Variants in TCHH observed in about 807,000 individuals in gnomAD.
The protein encoded by TCHH is trichohyalin.
A neutral mutation model predicts 6.3 loss-of-function variants in TCHH; 6 were observed. The observed-to-expected ratio is 0.95, with a 90% confidence interval of 0.52 to 1.88. The LOEUF (loss-of-function observed/expected upper bound fraction) is 1.88. Among genes scored for constraint, TCHH ranks in the 40% most tolerant of loss-of-function variants. The pLI, the probability that TCHH is intolerant of heterozygous loss-of-function variation, is 0.01. For synonymous variants in TCHH, 1,087 were observed against 963.6 expected (o/e 1.13, Z -2.37); for missense variants, 2,920 against 2,449.1 (o/e 1.19, Z -4.06).
In TCHH at chr1:152,111,766, C is replaced by T. The variant is rs1445296165; in HGVS notation, c.1451G>A (p.Arg484Lys). 1.9e-6 allele frequency: 3 copies of T among 1,561,298 alleles called. No homozygotes were observed. The highest frequency in any genetic ancestry group is 2.9e-5 in the African/African-American group (2 of 70,018). ...CTCGAGCTTCAGCCAACGTTCGCGCCTCTCCTCCTCCTGGTCGCGCTTCAG... is the reference window on the plus strand; with the variant it reads ...CTCGAGCTTCAGCCAACGTTCGCGCTTCTCCTCCTCCTGGTCGCGCTTCAG... The part of the protein sequence containing the change: ...QQLKRDQEEE[R>K]RERWLKLEEE... Residue 484 changes from arginine (R) to lysine (K), a missense_variant, in exon 3 of 3, where the codon AGG becomes AAG. By Grantham distance (26) the Arg-to-Lys change is conservative. Transcript: ENST00000614923.
In TCHH at chr1:152,111,676, C is replaced by A. The variant is rs1271767218; in HGVS notation, c.1541G>T (p.Arg514Met). The change falls in exon 3 of 3, where the codon AGG (arginine) becomes ATG (methionine). Residue 514 changes from arginine (R) to methionine (M), a missense_variant. Arg to Met is a moderately conservative substitution (Grantham distance 91, BLOSUM62 -1). Coordinates refer to ENST00000614923, the MANE Select transcript of TCHH (RefSeq NM_007113.4). Reference protein sequence around the residue: ...EQQLRREQEERREQRLKRQEE... With the variant: ...EQQLRREQEEMREQRLKRQEE... ...CTGGCGCTTCAGCCGCTGCTCGCGCCTCTCCTCTTGCTCCCGCCTTAGTTG... is the reference window on the plus strand; with the variant it reads ...CTGGCGCTTCAGCCGCTGCTCGCGCATCTCCTCTTGCTCCCGCCTTAGTTG... 3 of 1,570,224 alleles carry A rather than the reference C, an allele frequency of 1.9e-6. No homozygotes were observed. Among genetic ancestry groups the A allele is most frequent in the Non-Finnish European group, 2.6e-6 (3 of 1,149,272 alleles).
At position 152,113,705 on chromosome 1, in the gene TCHH, G is replaced by A. The variant is rs2515662; in HGVS notation, c.138+238C>T. Among the ~76,000 whole-genome samples, 1,063 of 152,278 alleles carry A rather than the reference G, an allele frequency of 7.0e-3. 8 individuals are homozygous for A. The highest frequency in any genetic ancestry group is 0.011 in the Non-Finnish European group (731 of 68,014). On this transcript the variant is annotated intron_variant, in intron 2 of 2. Coordinates refer to ENST00000614923, the MANE Select transcript of TCHH (RefSeq NM_007113.4). ...TCTAGTGTGATTTGACATCTTTTGT[G>A]GTAATGTCCCATGAAGAGCTCATTC... is the stretch of plus-strand genomic sequence containing the variant.
Position 152,107,633 on chromosome 1 carries a change from G to A in TCHH, c.5584C>T (p.Gln1862Ter). 6.2e-7 allele frequency: 1 copy of A among 1,614,096 alleles called. No individual in the cohort carries two copies. The highest frequency in any genetic ancestry group is 8.5e-7 in the Non-Finnish European group (1 of 1,180,044). ...TGCTCCTCTTCTTGCCATAGTTCTT[G>A]TTCCTCACGACGACTCTTCTCCTGC... Reference protein sequence around the residue: ...ATQEKSRREEQELWQEEEQKR... With the variant: ...ATQEKSRREE Residue 1862 changes from glutamine to a stop codon, truncating the protein, a stop_gained, in exon 3 of 3, where the codon CAA (glutamine) becomes TAA (stop). Transcript: ENST00000614923. LOFTEE classifies it low-confidence loss of function (END_TRUNC).
rs1658194581 is a variant in TCHH at position 152,108,517 on chromosome 1, CTCTCCTGGCGCAGCTGTTCCTCCT to C, written c.4676_4699del (p.Glu1559_Arg1567delinsGly). On this transcript the variant is annotated inframe_deletion, in exon 3 of 3. Transcript: ENST00000614923. ...TTGGCGGCTCAGCTGCTGTTCCTCC[CTCTCCTGGCGCAGCTGTTCCTCCT>C]CGCGGAATTTTCTGTCACGGTCCTG... 6.3e-7 allele frequency: 1 copy of C among 1,599,448 alleles called. No individual in the cohort carries two copies. Among genetic ancestry groups the C allele is most frequent in the Non-Finnish European group, 8.5e-7 (1 of 1,175,552 alleles).
chr1:152,110,460 C>T lies in TCHH; in HGVS notation c.2757G>A (p.Glu919=), dbSNP rs769440189. ...EEEELQREER[E]KRRRQEQERQ... is the part of the protein sequence containing the mutation. ...TCTCCTGTTCTTGGCGCCTTCTCTTCTCGCGCTCCTCTCTCTGTAGCTCCT... is the reference window on the plus strand; with the variant it reads ...TCTCCTGTTCTTGGCGCCTTCTCTTTTCGCGCTCCTCTCTCTGTAGCTCCT... The change falls in exon 3 of 3, where the codon GAG becomes GAA. Residue 919 remains glutamate, a synonymous_variant. Coordinates refer to ENST00000614923, the MANE Select transcript of TCHH (RefSeq NM_007113.4). The T allele has an allele frequency of 6.2e-7, 1 of 1,614,224 alleles. No homozygotes were observed. Among genetic ancestry groups the T allele is most frequent in the South Asian group, 1.1e-5 (1 of 91,084 alleles).
At position 152,107,834 on chromosome 1, in the gene TCHH, T is replaced by C; in HGVS notation, c.5383A>G (p.Arg1795Gly). The change falls in exon 3 of 3, where the codon AGA (arginine) becomes GGA (glycine). Residue 1795 changes from arginine (R) to glycine (G), a missense_variant. Transcript: ENST00000614923. The part of the protein sequence containing the change: ...EQQLRSQESD[R>G]KFREEEQLRQ... ...AGCTGTTCCTCCTCGCGGAATTTTC[T>C]GTCAGACTCTTGGCTGCGCAGCTGC... 6.2e-7 allele frequency: 1 copy of C among 1,613,842 alleles called. No homozygotes were observed. The highest frequency in any genetic ancestry group is 8.5e-7 in the Non-Finnish European group (1 of 1,179,896).
rs1221995398 is a variant in TCHH, at chr1:152,107,370, T to C, written c.*15A>G. The C allele has an allele frequency of 5.9e-6, 9 of 1,529,832 alleles. No homozygotes were observed. Among genetic ancestry groups the C allele is most frequent in the Non-Finnish European group, 7.9e-6 (9 of 1,139,592 alleles). The allele number at this position is 1,529,832 out of a possible 1,614,324, so 94.8% of individuals were successfully genotyped here. ...CTCGAAGCTTTGGCAGGTGTCAAGA[T>C]ATTGGCAACATCACTTAAGGGCGGT... On this transcript the variant is annotated 3_prime_UTR_variant, in exon 3 of 3. Transcript: ENST00000614923.
At position 152,110,457 on chromosome 1, in the gene TCHH, C is replaced by T; in HGVS notation, c.2760G>A (p.Lys920=). 1 of 1,614,218 alleles carries T rather than the reference C, an allele frequency of 6.2e-7. No individual in the cohort carries two copies. Among genetic ancestry groups the T allele is most frequent in the Non-Finnish European group, 8.5e-7 (1 of 1,180,040 alleles). Residue 920 remains lysine, a synonymous_variant, in exon 3 of 3, where the codon AAG becomes AAA. Coordinates refer to ENST00000614923, the MANE Select transcript of TCHH (RefSeq NM_007113.4). Reference sequence around the variant, plus strand: ...GTCTCTCCTGTTCTTGGCGCCTTCTCTTCTCGCGCTCCTCTCTCTGTAGCT... The same window carrying T: ...GTCTCTCCTGTTCTTGGCGCCTTCTTTTCTCGCGCTCCTCTCTCTGTAGCT... ...EEELQREERE[K]RRRQEQERQY...
rs1412612684 is a variant in TCHH, at chr1:152,111,626, G to A, written c.1591C>T (p.Arg531Trp). ...CTTAGTTGTTGCTCGCTCCTCAACC[G>A]CTGCTGGAGCCTCTCTTCCTCCTCC... Reference protein sequence around the residue: ...RQEEEERLQQRLRSEQQLRRE... With the variant: ...RQEEEERLQQWLRSEQQLRRE... Residue 531 changes from arginine (R) to tryptophan (W), a missense_variant, in exon 3 of 3, where the codon CGG becomes TGG. Transcript: ENST00000614923. The A allele has an allele frequency of 6.3e-7, 1 of 1,597,398 alleles. No individual in the cohort carries two copies. The highest frequency in any genetic ancestry group is 1.4e-5 in the African/African-American group (1 of 69,816).
Position 152,109,469 on chromosome 1 carries a change from A to G in TCHH, c.3748T>C (p.Phe1250Leu). 6.2e-7 allele frequency: 1 copy of G among 1,614,240 alleles called. No homozygotes were observed. The highest frequency in any genetic ancestry group is 2.2e-5 in the East Asian group (1 of 44,886). Residue 1250 changes from phenylalanine to leucine, a missense_variant, in exon 3 of 3, where the codon TTC becomes CTC. Coordinates refer to ENST00000614923, the MANE Select transcript of TCHH (RefSeq NM_007113.4). The stretch of plus-strand genomic sequence containing the variant: ...AGCTGGGAATCTTCCAACTGCCGGA[A>G]CTGTTCATTCTCTCTGCCTTTGCAG... ...VYCKGRENEQFRQLEDSQLRD... is the reference protein window; with the variant it reads ...VYCKGRENEQLRQLEDSQLRD...
Position 152,111,429 on chromosome 1 carries a change from C to G in TCHH, c.1788G>C (p.Glu596Asp), listed in dbSNP as rs757015941. 1 of 1,610,364 alleles carries G rather than the reference C, an allele frequency of 6.2e-7. No homozygotes were observed. ...RQQRLKREQE[E>D]RLEQRLKREE... ...CGCGCTTCAGTCGCTGCTCGAGCCT[C>G]TCTTCCTGCTCGCGCTTCAGCCGCT... Residue 596 changes from glutamate (E) to aspartate (D), a missense_variant, in exon 3 of 3, where the codon GAG becomes GAC. Glu to Asp is a conservative substitution (Grantham distance 45). Coordinates refer to ENST00000614923, the MANE Select transcript of TCHH (RefSeq NM_007113.4).
At position 152,109,920 on chromosome 1, in the gene TCHH, C is replaced by G. The variant is rs781083126; in HGVS notation, c.3297G>C (p.Glu1099Asp). The G allele has an allele frequency of 6.3e-7, 1 of 1,591,698 alleles. No homozygotes were observed. The highest frequency in any genetic ancestry group is 8.5e-7 in the Non-Finnish European group (1 of 1,171,176). The change falls in exon 3 of 3, where the codon GAG becomes GAC. Residue 1099 changes from glutamate (E) to aspartate (D), a missense_variant. Coordinates refer to ENST00000614923, the MANE Select transcript of TCHH (RefSeq NM_007113.4). ...TCTCCCGCTCCTGGCGCCTTCTCTT[C>G]TCCGGTTCCTCTCTCAGCAGCTGCT... ...EEEQLLREEP[E>D]KRRRQERERQ...
chr1:152,109,354 T>C lies in TCHH; in HGVS notation c.3863A>G (p.Gln1288Arg), dbSNP rs1658237831. Residue 1288 changes from glutamine to arginine, a missense_variant, in exon 3 of 3, where the codon CAG becomes CGG. Gln to Arg is a conservative substitution (Grantham distance 43). Coordinates refer to ENST00000614923, the MANE Select transcript of TCHH (RefSeq NM_007113.4). ...TTCCTCTGGGAAATGCCTGTCGCGC[T>C]GCTGCCAGCGCCTCCTCTCTTGCTC... Reference protein sequence around the residue: ...DREQERRRWQQRDRHFPEEEQ... With the variant: ...DREQERRRWQRRDRHFPEEEQ... 2 of 1,614,260 alleles carry C rather than the reference T, an allele frequency of 1.2e-6. 1 individual carries two copies. Among genetic ancestry groups the C allele is most frequent in the East Asian group, 4.5e-5 (2 of 44,890 alleles).
Position 152,111,610 on chromosome 1 carries a change from TGCTC to T in TCHH, c.1603_1606del (p.Glu535AsnfsTer3). ...CTCCTCCTGCTCGCGTCTTAGTTGT[TGCTC>T]GCTCCTCAACCGCTGCTGGAGCCTC... On this transcript the variant is annotated frameshift_variant, in exon 3 of 3. Coordinates refer to ENST00000614923, the MANE Select transcript of TCHH (RefSeq NM_007113.4). LOFTEE classifies it low-confidence loss of function (END_TRUNC). 2 of 1,604,990 alleles carry T rather than the reference TGCTC, an allele frequency of 1.2e-6. No homozygotes were observed. The highest frequency in any genetic ancestry group is 1.1e-5 in the South Asian group (1 of 90,630).
At position 152,113,994 on chromosome 1, in the gene TCHH, A is replaced by G. The variant is rs1421543632; in HGVS notation, c.87T>C (p.Thr29=). Residue 29 remains threonine, a synonymous_variant, in exon 2 of 3, where the codon ACT becomes ACC. Coordinates refer to ENST00000614923, the MANE Select transcript of TCHH (RefSeq NM_007113.4). ...CAAGGAGGTTCTTCAGGTCTTTCTT[A>G]GTTAATGCTGCTCCATCACAATCAT... ...VSHDCDGAAL[T]KKDLKNLLER... is the part of the protein sequence containing the mutation. The G allele has an allele frequency of 1.2e-6, 2 of 1,613,976 alleles. No individual in the cohort carries two copies. Among genetic ancestry groups the G allele is most frequent in the Admixed American group, 1.7e-5 (1 of 60,018 alleles).
Position 152,111,317 on chromosome 1 carries a change from G to C in TCHH, c.1900C>G (p.Leu634Val). 1 of 1,594,298 alleles carries C rather than the reference G, an allele frequency of 6.3e-7. No homozygotes were observed. Reference protein sequence around the residue: ...EPEEERRQQLLKSEEQEERRQ... With the variant: ...EPEEERRQQLVKSEEQEERRQ... ...CTCTCCTCCTGCTCCTCGCTCTTCA[G>C]CAGCTGCTGGCGCCTCTCTTCCTCC... The change falls in exon 3 of 3, where the codon CTG (leucine) becomes GTG (valine). Residue 634 changes from leucine to valine, a missense_variant. Coordinates refer to ENST00000614923, the MANE Select transcript of TCHH (RefSeq NM_007113.4).
rs1401283444 is a variant in TCHH at position 152,110,489 on chromosome 1, C to T, written c.2728G>A (p.Glu910Lys). The T allele has an allele frequency of 6.2e-7, 1 of 1,614,108 alleles. No homozygotes were observed. The highest frequency in any genetic ancestry group is 1.3e-5 in the African/African-American group (1 of 74,934). The change falls in exon 3 of 3, where the codon GAG becomes AAG. Residue 910 changes from glutamate to lysine, a missense_variant. Coordinates refer to ENST00000614923, the MANE Select transcript of TCHH (RefSeq NM_007113.4). ...RKEQQLLQEE[E>K]EELQREEREK... is the part of the protein sequence containing the mutation. ...CGCTCCTCTCTCTGTAGCTCCTCCT[C>T]CTCCTCCTGCAGCAGCTGCTGTTCC...
chr1:152,109,115 G>A lies in TCHH; in HGVS notation c.4102C>T (p.Arg1368Cys), dbSNP rs778487135. The A allele has an allele frequency of 4.7e-5, 76 of 1,613,514 alleles. No individual in the cohort carries two copies. The highest frequency in any genetic ancestry group is 5.9e-5 in the Non-Finnish European group (70 of 1,179,922). ...AATTTTCTCCCTTGTTCCTGATGGC[G>A]CAGTTCCTCTTCGCGGAATTTTCTG... ...RDRKFREEELRHQEQGRKFLE... is the reference protein window; with the variant it reads ...RDRKFREEELCHQEQGRKFLE... Residue 1368 changes from arginine to cysteine, a missense_variant, in exon 3 of 3, where the codon CGC becomes TGC. Arg to Cys is a radical substitution (Grantham distance 180). Coordinates refer to ENST00000614923, the MANE Select transcript of TCHH (RefSeq NM_007113.4).
chr1:152,110,746 C>A lies in TCHH; in HGVS notation c.2471G>T (p.Arg824Leu), dbSNP rs1278128766. ...EEEKEQRRRQ[R>L]REREKELQFL... is the part of the protein sequence containing the mutation. ...CTGCAGCTCTTTCTCCCTCTCGCGT[C>A]GCTGGCGGCGCCGCTGCTCCTTCTC... Residue 824 changes from arginine to leucine, a missense_variant, in exon 3 of 3, where the codon CGA (arginine) becomes CTA (leucine). Arg to Leu is a moderately radical substitution (Grantham distance 102, BLOSUM62 -2). Transcript: ENST00000614923. 1 of 1,608,928 alleles carries A rather than the reference C, an allele frequency of 6.2e-7. No individual in the cohort carries two copies. Among genetic ancestry groups the A allele is most frequent in the South Asian group, 1.1e-5 (1 of 91,086 alleles).
Sources: allele counts gnomAD v4.1 joint callset (sites outside exome capture counted in the v4.1 genomes callset), GRCh38; gene constraint gnomAD v4.1.1; transcripts MANE v1.5; gene names NCBI Gene and HGNC (gene_info 2026-07-23, HGNC 2026-07-21).